DNER: variants seen among roughly 807,000 people sequenced by gnomAD.
DNER encodes the protein delta and Notch-like epidermal growth factor-related receptor.
In DNER, 33 loss-of-function variants were observed where a neutral mutation model predicts 78.2. The ratio of observed to expected loss-of-function variants is 0.42; its 90% CI spans 0.32 to 0.56. The LOEUF is 0.56. Ranked by LOEUF, DNER falls within the 20% of genes least tolerant of loss-of-function variation. The pLI, the probability that DNER is intolerant of heterozygous loss-of-function variation, is 0.11. For synonymous variants in DNER, 417 were observed against 384.8 expected, an observed-to-expected ratio of 1.08 and a Z score of -0.98; for missense variants, 918 against 975.3, an observed-to-expected ratio of 0.94 and a Z score of 0.78.
chr2:229,678,877 G>A (rs1035506102), intron 1 of DNER, among the ~76,000 whole-genome samples: 1 of 152,218 alleles, frequency 6.6e-6, no homozygotes, highest in South Asian at 2.1e-4. Flanking sequence ...AAATGTATCA[G>A]ATAATAAATA....
At chr2:229,665,676 T>C (rs1699080729) in intron 1 of DNER, among the ~76,000 whole-genome samples, 4 of 152,210 alleles carry the variant, frequency 2.6e-5, no homozygotes, top group Admixed American at 6.5e-5. Context: ...AGATATAGTC[T>C]ACCAAAGCAA....
rs957248763 is a variant in DNER, at chr2:229,544,000, C to T, written c.993+2947G>A. On this transcript the variant is annotated intron_variant, in intron 5 of 12. Coordinates refer to ENST00000341772, the MANE Select transcript of DNER (RefSeq NM_139072.4). The stretch of plus-strand genomic sequence containing the variant: ...CAGAAAATTCACAACTATACACACA[C>T]GCCACCCCACTTGCCCTTACCCTCA... 4.6e-5 allele frequency among the ~76,000 whole-genome samples: 7 copies of T among 152,062 alleles called. No individual in the cohort carries two copies. The East Asian group carries it at 5.8e-4, about 13-fold the overall frequency.
At chr2:229,413,484 G>A (rs895834021) in intron 9 of DNER, among the ~76,000 whole-genome samples, 87 of 151,344 alleles carry the variant, frequency 5.7e-4, no homozygotes, top group South Asian at 1.5e-3. Flanking sequence ...CACAGCGCCT[G>A]GCTAATTTTT....
intron 4 of DNER, among the ~76,000 whole-genome samples, chr2:229,553,478 G>A (rs1418997602): frequency 1.3e-5 from 2 of 152,198 alleles, no homozygotes; most frequent in Admixed American, 1.3e-4. Flanking sequence ...GGAACACAGG[G>A]GAGCAGTGGG....
intron 1 of DNER, among the ~76,000 whole-genome samples, chr2:229,693,696 C>A (rs186666407): frequency 2.0e-4 from 30 of 152,226 alleles, no homozygotes; most frequent in African/African-American, 7.2e-4. Flanking sequence ...ATCTGTGGAA[C>A]TTTGAACCTG....
chr2:229,543,817 C>G (rs1157879894), intron 5 of DNER, among the ~76,000 whole-genome samples: 1 of 152,182 alleles, frequency 6.6e-6, no homozygotes, highest in East Asian at 1.9e-4. Flanking sequence ...GAAATGTGAG[C>G]TGACTGAAGA....
chr2:229,636,289 C>T (rs1336996521), intron 1 of DNER, among the ~76,000 whole-genome samples: 1 of 152,208 alleles, frequency 6.6e-6, no homozygotes, highest in African/African-American at 2.4e-5. Context: ...GTCAGAAGCA[C>T]CCCTGTGCTC....
At chr2:229,583,753 A>T (rs895889823) in intron 4 of DNER, among the ~76,000 whole-genome samples, 2 of 152,244 alleles carry the variant, frequency 1.3e-5, no homozygotes, top group Admixed American at 6.5e-5. Context: ...GGAAGTAAAT[A>T]ACAGTTACTT....
At chr2:229,558,852 T>C (rs1156959636) in intron 4 of DNER, among the ~76,000 whole-genome samples, 1 of 152,084 alleles carries the variant, frequency 6.6e-6, no homozygotes, top group East Asian at 1.9e-4. Context: ...CAGTCACCAG[T>C]GTCTTAGCTG....
At chr2:229,422,110 G>A (rs540757984) in intron 8 of DNER, among the ~76,000 whole-genome samples, 29 of 152,178 alleles carry the variant, frequency 1.9e-4, no homozygotes, top group Admixed American at 1.4e-3. Flanking sequence ...CTTCAGAGAC[G>A]GTAACATTTA....
intron 1 of DNER, among the ~76,000 whole-genome samples, chr2:229,593,132 G>GA (rs1697638930): frequency 2.0e-5 from 3 of 152,202 alleles, no homozygotes; most frequent in Admixed American, 2.0e-4. Flanking sequence ...TATCTGAAGA[G>GA]AATATTTAAA....
At chr2:229,556,914 C>T (rs1217437879) in intron 4 of DNER, among the ~76,000 whole-genome samples, 1 of 152,186 alleles carries the variant, frequency 6.6e-6, no homozygotes, top group Non-Finnish European at 1.5e-5. Context: ...GCTGGAGGCT[C>T]CTTCCAGGTA....
intron 1 of DNER, among the ~76,000 whole-genome samples, chr2:229,615,004 T>C (rs1459333743): frequency 1.3e-5 from 2 of 152,192 alleles, no homozygotes; most frequent in Non-Finnish European, 2.9e-5. Flanking sequence ...AGTTTCATTC[T>C]TAGAAGGGTA....
chr2:229,608,743 G>A lies in DNER; in HGVS notation c.277-16855C>T, dbSNP rs535145225. Among the ~76,000 whole-genome samples, 6 of 152,290 alleles carry A rather than the reference G, an allele frequency of 3.9e-5. No individual in the cohort carries two copies. In the East Asian group the frequency reaches 1.2e-3, roughly 29 times the overall value. On this transcript the variant is annotated intron_variant, in intron 1 of 12. Coordinates refer to ENST00000341772, the MANE Select transcript of DNER (RefSeq NM_139072.4). ...AGGGAGGGAAGTGGGTTGGGGAGGAGTAGGGTAGTGGCAGTGAGGGTGGCG... is the reference window on the plus strand; with the variant it reads ...AGGGAGGGAAGTGGGTTGGGGAGGAATAGGGTAGTGGCAGTGAGGGTGGCG...
In DNER at chr2:229,557,571, A is replaced by G. The variant is rs146762657; in HGVS notation, c.848-10479T>C. 9.9e-4 allele frequency among the ~76,000 whole-genome samples: 151 copies of G among 152,296 alleles called. 1 individual carries two copies. The highest frequency in any genetic ancestry group is 3.4e-3 in the African/African-American group (143 of 41,562). The stretch of plus-strand genomic sequence containing the variant: ...CATAGGAGGCAATGAAGGTGCCCCA[A>G]TAAAGCCTGCTGTGAATTACAAGCA... On this transcript the variant is annotated intron_variant, in intron 4 of 12. Transcript: ENST00000341772.
At chr2:229,518,058 C>G (rs775221224) in intron 5 of DNER, among the ~76,000 whole-genome samples, 1 of 152,188 alleles carries the variant, frequency 6.6e-6, no homozygotes, top group East Asian at 1.9e-4. Flanking sequence ...AGACCCTGAA[C>G]GTAAGTAATC....
chr2:229,523,787 C>T (rs1257515708), intron 5 of DNER, among the ~76,000 whole-genome samples: 1 of 152,230 alleles, frequency 6.6e-6, no homozygotes, highest in Non-Finnish European at 1.5e-5. Context: ...GCCTCTTATC[C>T]TAGACGGTGC....
In DNER at chr2:229,588,432, G is replaced by A. The variant is rs750368478; in HGVS notation, c.642C>T (p.Arg214=). 6.8e-6 allele frequency: 11 copies of A among 1,613,862 alleles called. No individual in the cohort carries two copies. The highest frequency in any genetic ancestry group is 9.3e-6 in the Non-Finnish European group (11 of 1,179,936). The part of the protein sequence containing the change: ...NASSNSSAGG[R]LVSFEVPQNT... ...TCTGTGGCACTTCAAAGGATACCAG[G>A]CGGCCACCCGCAGAGCTGTTAGAAC... is the stretch of plus-strand genomic sequence containing the variant. Residue 214 remains arginine, a synonymous_variant, in exon 3 of 13, where the codon CGC becomes CGT. Coordinates refer to ENST00000341772, the MANE Select transcript of DNER (RefSeq NM_139072.4).
intron 9 of DNER, among the ~76,000 whole-genome samples, chr2:229,416,202 A>G (rs1282470406): frequency 2.0e-5 from 3 of 151,900 alleles, no homozygotes; most frequent in Admixed American, 2.0e-4. Flanking sequence ...TCATATTTTG[A>G]TTCTCTCATG....
Sources: gnomAD v4.1 joint callset for allele counts (sites outside exome capture counted in the v4.1 genomes callset) on GRCh38, gnomAD v4.1.1 for gene constraint, MANE v1.5 for transcripts, NCBI Gene and HGNC (gene_info 2026-07-23, HGNC 2026-07-21) for gene names.